The following FLT1 variants were observed in gnomAD, a reference collection of about 807,000 sequenced individuals.
The protein encoded by FLT1 is fms related receptor tyrosine kinase 1, also known as vascular endothelial growth factor receptor 1.
A neutral mutation model predicts 156.3 loss-of-function variants in FLT1; 49 were observed. The observed-to-expected ratio is 0.31, with a 90% CI of 0.25 to 0.40. The LOEUF (loss-of-function observed/expected upper bound fraction) is 0.40, where lower values mean the gene tolerates loss of function less well. Ranked by LOEUF, FLT1 falls within the 10% of genes least tolerant of loss-of-function variation. The pLI is 1.00. For missense variants in FLT1, 1,322 were observed against 1,637.2 expected (o/e 0.81, Z 3.32); for synonymous variants, 594 against 583.8 (o/e 1.02, Z -0.25).
intron 3 of FLT1, among the ~76,000 whole-genome samples, chr13:28,445,728 A>G (rs754840649): frequency 1.3e-5 from 2 of 152,220 alleles, no homozygotes; most frequent in Non-Finnish European, 2.9e-5. Flanking sequence ...TGGCAAGTCA[A>G]TTCTACCAAA....
In FLT1 at chr13:28,439,857, G is replaced by C. The variant is rs1170694840; in HGVS notation, c.389-1512C>G. 2.0e-5 allele frequency among the ~76,000 whole-genome samples: 3 copies of C among 152,164 alleles called. No individual in the cohort carries two copies. The highest frequency in any genetic ancestry group is 7.2e-5 in the African/African-American group (3 of 41,440). ...CCCAGATGATTTGATTTCAGACTTA[G>C]AGTTTCCAGAACTGTGAGATAATAC... is the stretch of plus-strand genomic sequence containing the variant. On this transcript the variant is annotated intron_variant, in intron 3 of 29. Coordinates refer to ENST00000282397, the MANE Select transcript of FLT1 (RefSeq NM_002019.4). The surrounding 1 kb of genome is among the most constrained non-coding windows in gnomAD (Gnocchi z 4.1).
chr13:28,355,579 A>T (rs1593704329), intron 15 of FLT1, among the ~76,000 whole-genome samples: 1 of 152,234 alleles, frequency 6.6e-6, no homozygotes, highest in Non-Finnish European at 1.5e-5. Context: ...CCCGGAGTAC[A>T]TTCCAGGGCA....
At chr13:28,374,471 T>C (rs563026938) in intron 14 of FLT1, among the ~76,000 whole-genome samples, 1 of 152,024 alleles carries the variant, frequency 6.6e-6, no homozygotes, top group South Asian at 2.1e-4. Flanking sequence ...AAAACCCTTT[T>C]TCTAAAGTGA....
chr13:28,380,787 A>T (rs1874046592), intron 14 of FLT1, among the ~76,000 whole-genome samples: 1 of 152,140 alleles, frequency 6.6e-6, no homozygotes, highest in African/African-American at 2.4e-5. Flanking sequence ...CTGCCAACTC[A>T]CTGGACAATT....
intron 10 of FLT1, among the ~76,000 whole-genome samples, chr13:28,414,567 T>A (rs1311706758): frequency 6.6e-6 from 1 of 152,248 alleles, no homozygotes; most frequent in Non-Finnish European, 1.5e-5. Context: ...GCACAGTGCC[T>A]GGCACACAGG....
At chr13:28,353,077 C>T (rs979966374) in intron 15 of FLT1, among the ~76,000 whole-genome samples, 23 of 152,168 alleles carry the variant, frequency 1.5e-4, no homozygotes, top group Admixed American at 2.6e-4. Flanking sequence ...AACGTGCAAT[C>T]GTTTGCAAAT....
intron 15 of FLT1, among the ~76,000 whole-genome samples, chr13:28,350,099 T>C (rs1565981556): frequency 6.6e-6 from 1 of 152,164 alleles, no homozygotes; most frequent in Non-Finnish European, 1.5e-5. Flanking sequence ...GCTGATGAGC[T>C]AAGTGCATGA....
At chr13:28,318,753 G>C (rs1266257722) in intron 24 of FLT1, among the ~76,000 whole-genome samples, 1 of 152,158 alleles carries the variant, frequency 6.6e-6, no homozygotes, top group East Asian at 1.9e-4. Context: ...AAGACTCTTG[G>C]CGAGAACTTG....
chr13:28,386,426 A>G (rs1283526846), intron 13 of FLT1: 3 of 1,039,818 alleles, frequency 2.9e-6, no homozygotes, highest in African/African-American at 1.7e-5. Context: ...ACAGTTTATC[A>G]TTAGTCTTCT....
At chr13:28,330,588 C>CTATATA (rs3029492) in intron 18 of FLT1, among the ~76,000 whole-genome samples, 1 of 142,390 alleles carries the variant, frequency 7.0e-6, no homozygotes, top group African/African-American at 2.6e-5. Context: ...ATCAGAGGTC[C>CTATATA]TATATATATA....
At chr13:28,420,506 A>C (rs530993184) in intron 10 of FLT1, among the ~76,000 whole-genome samples, 87 of 152,314 alleles carry the variant, frequency 5.7e-4, no homozygotes, top group African/African-American at 2.0e-3. Flanking sequence ...GAATGTGATC[A>C]ATATTAAAAC....
rs1434501611 is a variant in FLT1, at chr13:28,427,257, C to T, written c.1338G>A (p.Leu446=). 1.9e-6 allele frequency: 3 copies of T among 1,613,954 alleles called. No homozygotes were observed. Among genetic ancestry groups the T allele is most frequent in the Non-Finnish European group, 2.5e-6 (3 of 1,179,892 alleles). Residue 446 remains leucine, a synonymous_variant, in exon 10 of 30, where the codon CTG becomes CTA. Coordinates refer to ENST00000282397, the MANE Select transcript of FLT1 (RefSeq NM_002019.4). ...TACAAGTCAGGATTTGTCTGCTGCC[C>T]AGTGGGTAGAGAGCCGGGTCTGGAA... The part of the protein sequence containing the change: ...SSFPDPALYP[L]GSRQILTCTA...
intron 25 of FLT1, 47 bp from the exon 26 acceptor site, chr13:28,312,145 C>A: frequency 2.6e-6 from 3 of 1,163,118 alleles, no homozygotes; most frequent in Non-Finnish European, 3.9e-6. Flanking sequence ...CAGTGATCAT[C>A]CTATGCATTG....
At chr13:28,480,778 T>C (rs1593843273) in intron 1 of FLT1, among the ~76,000 whole-genome samples, 1 of 152,306 alleles carries the variant, frequency 6.6e-6, no homozygotes, top group Non-Finnish European at 1.5e-5. Context: ...ATATTTTTTG[T>C]CTGGGGTCTA....
intron 1 of FLT1, among the ~76,000 whole-genome samples, chr13:28,488,166 G>A (rs1881270428): frequency 6.6e-6 from 1 of 152,114 alleles, no homozygotes; most frequent in Non-Finnish European, 1.5e-5. Context: ...GGGAGATCGA[G>A]GCGGGTGGAT....
chr13:28,386,722 A>G (rs1874388025), intron 13 of FLT1: 1 of 1,055,282 alleles, frequency 9.5e-7, no homozygotes, highest in Non-Finnish European at 1.1e-6. Flanking sequence ...TACAATTTTG[A>G]CATTTTTTAC....
intron 14 of FLT1, among the ~76,000 whole-genome samples, chr13:28,372,048 G>GTGTGTGTA (rs1288888215): frequency 2.1e-4 from 16 of 75,586 alleles, no homozygotes; most frequent in African/African-American, 2.5e-4. Context: ...GTGTGTGTGT[G>GTGTGTGTA]TATATATATA....
In FLT1 at chr13:28,386,096, T is replaced by C. The variant is rs73453252; in HGVS notation, c.1970-1065A>G. The C allele has an allele frequency of 1.8e-3, 1,898 of 1,054,738 alleles. 17 individuals carry two copies. The African/African-American group carries it at 0.024, about 14-fold the overall frequency. 65.3% of individuals were successfully genotyped at this position (1,054,738 alleles called of 1,614,324 possible). On this transcript the variant is annotated intron_variant, in intron 13 of 29. Transcript: ENST00000282397. ...CTGTCTTCAATTATACAGTATGAGC[T>C]TTCTCTGCCCATTTTCGATTTCCTC...
intron 1 of FLT1, among the ~76,000 whole-genome samples, chr13:28,476,045 G>A (rs946413315): frequency 3.9e-5 from 6 of 152,128 alleles, no homozygotes; most frequent in African/African-American, 1.4e-4. Flanking sequence ...TAAAATGTCA[G>A]GTTTGTCTTC....
Sources: gnomAD v4.1 joint callset for allele counts (sites outside exome capture counted in the v4.1 genomes callset) on GRCh38, gnomAD v4.1.1 for gene constraint, Gnocchi (gnomAD v3.1) non-coding constraint, MANE v1.5 for transcripts, NCBI Gene and HGNC (gene_info 2026-07-23, HGNC 2026-07-21) for gene names.